The following BCOR variants were observed in gnomAD, a reference collection of about 807,000 sequenced individuals.
BCOR encodes BCL-6 corepressor.
Under a neutral mutation model 86.7 loss-of-function variants are expected in BCOR, and 10 were observed. The ratio of observed to expected loss-of-function variants is 0.12; its 90% CI spans 0.07 to 0.20. The LOEUF is 0.20. Ranked by LOEUF, BCOR falls within the 10% of genes least tolerant of loss-of-function variation. The pLI, the probability that BCOR is intolerant of heterozygous loss-of-function variation, is 1.00. For missense variants in BCOR, 1,259 were observed against 1,452.1 expected, an observed-to-expected ratio of 0.87 and a Z score of 2.16; for synonymous variants, 611 against 609.0, an observed-to-expected ratio of 1.00 and a Z score of -0.05.
intron 1 of BCOR, among the ~76,000 whole-genome samples, chrX:40,109,782 C>T (rs1187818764): frequency 1.8e-5 from 2 of 112,926 alleles, no homozygotes; most frequent in African/African-American, 6.4e-5. Flanking sequence ...GCTGCGGGAG[C>T]CCGGGAGGGC....
chrX:40,094,721 G>A (rs895185859), intron 1 of BCOR, among the ~76,000 whole-genome samples: 7 of 112,559 alleles, frequency 6.2e-5, no homozygotes, highest in African/African-American at 2.3e-4. Context: ...CGGGCCTCGA[G>A]GCGCCGCACG....
intron 11 of BCOR, among the ~76,000 whole-genome samples, chrX:40,056,281 TAAAA>T (rs60712024): frequency 2.8e-4 from 17 of 61,434 alleles, no homozygotes; most frequent in South Asian, 9.4e-4. Context: ...TGTCACACAT[TAAAA>T]AAAAAAAAAA....
At chrX:40,147,855 T>A (rs1411954589) in intron 1 of BCOR, among the ~76,000 whole-genome samples, 1 of 112,936 alleles carries the variant, frequency 8.9e-6, no homozygotes, top group Non-Finnish European at 1.9e-5. Context: ...AGCTGGTCTC[T>A]GTAGGGCTTG....
intron 1 of BCOR, among the ~76,000 whole-genome samples, chrX:40,119,941 TGGG>T (rs1405580160): frequency 9.6e-6 from 1 of 104,100 alleles, no homozygotes; most frequent in South Asian, 4.3e-4. Context: ...TGAGCCAAGT[TGGG>T]GGGTTGGGGG....
intron 14 of BCOR, 42 bp downstream of exon 14, chrX:40,053,844 A>G (rs1311861167): frequency 8.3e-7 from 1 of 1,201,688 alleles, no homozygotes; most frequent in East Asian, 3.0e-5. Context: ...TCACCTCAAG[A>G]GCAGCTCAGC....
intron 1 of BCOR, among the ~76,000 whole-genome samples, chrX:40,117,125 G>A (rs934128582): frequency 8.9e-6 from 1 of 112,407 alleles, no homozygotes; most frequent in Admixed American, 9.4e-5. Flanking sequence ...TGATTAATGC[G>A]CCTCGTATTT....
intron 1 of BCOR, among the ~76,000 whole-genome samples, chrX:40,116,057 A>G (rs1039729147): frequency 2.7e-5 from 3 of 111,722 alleles, no homozygotes; most frequent in African/African-American, 9.8e-5. Context: ...CTGAAGCAGA[A>G]GAGCTCTTGG....
At chrX:40,060,409 C>A (rs1051619171) in intron 10 of BCOR, among the ~76,000 whole-genome samples, 3 of 112,424 alleles carry the variant, frequency 2.7e-5, no homozygotes, top group African/African-American at 9.7e-5. Context: ...TTCCTTAGTC[C>A]AGGCCTGCTA....
intron 1 of BCOR, among the ~76,000 whole-genome samples, chrX:40,176,660 C>T (rs1347256214): frequency 9.0e-6 from 1 of 111,222 alleles, no homozygotes; most frequent in African/African-American, 3.3e-5. Context: ...GCTCCCACAC[C>T]GGTCCCTCCA....
At chrX:40,124,623 A>C (rs183998605) in intron 1 of BCOR, among the ~76,000 whole-genome samples, 1 of 102,119 alleles carries the variant, frequency 9.8e-6, no homozygotes, top group East Asian at 3.3e-4. Context: ...TCTTTTTGAG[A>C]GGGGGGTCTC....
chrX:40,062,050 C>G, intron 10 of BCOR, 89 bp downstream of exon 10: 1 of 1,106,695 alleles, frequency 9.0e-7, no homozygotes, highest in African/African-American at 1.8e-5. Context: ...GGGCTGAGCT[C>G]TGCTCTCCAT....
chrX:40,055,290 T>A, intron 12 of BCOR, 78 bp downstream of exon 12: 1 of 993,744 alleles, frequency 1.0e-6, no homozygotes, highest in East Asian at 3.1e-5. Flanking sequence ...GATTTCTGCC[T>A]AGTCAAATTC....
intron 1 of BCOR, among the ~76,000 whole-genome samples, chrX:40,134,013 T>C (rs752424448): frequency 5.5e-5 from 6 of 109,684 alleles, no homozygotes; most frequent in Non-Finnish European, 1.1e-4. Flanking sequence ...CTGGGAGAAT[T>C]AGACTGAAAT....
intron 1 of BCOR, among the ~76,000 whole-genome samples, chrX:40,175,602 G>A (rs944181625): frequency 2.7e-5 from 3 of 113,206 alleles, no homozygotes; most frequent in African/African-American, 9.6e-5. Flanking sequence ...TCGCCAACCT[G>A]CAGGAGGGAG....
chrX:40,148,899 C>T (rs1444318779), intron 1 of BCOR, among the ~76,000 whole-genome samples: 1 of 111,063 alleles, frequency 9.0e-6, no homozygotes, highest in African/African-American at 3.3e-5. Context: ...CCTGTTCCAT[C>T]GTTGTGTATG....
chrX:40,116,482 G>A (rs1308728550), intron 1 of BCOR, among the ~76,000 whole-genome samples: 2 of 109,211 alleles, frequency 1.8e-5, no homozygotes, highest in African/African-American at 6.7e-5. Context: ...GGGCAACGGT[G>A]CAAGACTCTG....
chrX:40,074,250 T>C lies in BCOR; in HGVS notation c.1096A>G (p.Thr366Ala), dbSNP rs1307035202. The change falls in exon 4 of 15, where the codon ACC becomes GCC. Residue 366 changes from threonine to alanine, a missense_variant. Thr to Ala is a moderately conservative substitution (Grantham distance 58, BLOSUM62 0). Transcript: ENST00000378444. ...EFHKHYARIS[T>A]SPSVALSKPY... ...TTTGACAGGGCAACTGAAGGAGAGG[T>C]GGAGATCCTGGCATAGTGCTTGTGG... 8.3e-7 allele frequency: 1 copy of C among 1,211,711 alleles called. No homozygotes were observed. Among genetic ancestry groups the C allele is most frequent in the Non-Finnish European group, 1.1e-6 (1 of 895,444 alleles).
chrX:40,138,595 C>A (rs965759204), intron 1 of BCOR, among the ~76,000 whole-genome samples: 21 of 110,948 alleles, frequency 1.9e-4, no homozygotes, highest in African/African-American at 6.6e-4. Context: ...TGCTCTGTCA[C>A]CCAGGCAGGA....
chrX:40,176,638 C>CCG (rs1418924573), intron 1 of BCOR, among the ~76,000 whole-genome samples: 2 of 110,666 alleles, frequency 1.8e-5, no homozygotes, highest in Non-Finnish European at 3.8e-5. Flanking sequence ...ACGCGGAGCT[C>CCG]CGCGCGCCCT....
Sources: gnomAD v4.1 joint callset for allele counts (sites outside exome capture counted in the v4.1 genomes callset) on GRCh38, gnomAD v4.1.1 for gene constraint, MANE v1.5 for transcripts, NCBI Gene and HGNC (gene_info 2026-07-23, HGNC 2026-07-21) for gene names.